Variants in MVB12B observed in about 807,000 individuals in gnomAD.
MVB12B encodes multivesicular body subunit 12B, also known as ESCRT-I complex subunit MVB12B.
A neutral mutation model predicts 41.6 loss-of-function variants in MVB12B; 16 were observed. The observed-to-expected ratio is 0.38, with a 90% CI of 0.26 to 0.58. MVB12B has a LOEUF of 0.58. MVB12B is among the 20% of genes least tolerant of loss of function. The pLI, the probability that MVB12B is intolerant of heterozygous loss-of-function variation, is 0.62. For missense variants in MVB12B, 274 were observed against 380.2 expected (o/e 0.72, Z 2.32); for synonymous variants, 133 against 139.7 (o/e 0.95, Z 0.34).
chr9:126,494,917 C>A (rs984585989), intron 9 of MVB12B, among the ~76,000 whole-genome samples: 1 of 151,404 alleles, frequency 6.6e-6, no homozygotes, highest in Non-Finnish European at 1.5e-5. Flanking sequence ...TTAGGCCAGG[C>A]CCGGTGGCTC....
At chr9:126,447,181 G>C (rs1360836783) in intron 7 of MVB12B, among the ~76,000 whole-genome samples, 1 of 150,234 alleles carries the variant, frequency 6.7e-6, no homozygotes, top group Non-Finnish European at 1.5e-5. Flanking sequence ...CTGACCTCAG[G>C]TGACCCACCT....
At chr9:126,331,868 AATGTTCAGTTGC>A (rs1192650105) in intron 1 of MVB12B, among the ~76,000 whole-genome samples, 2 of 152,194 alleles carry the variant, frequency 1.3e-5, no homozygotes, top group Non-Finnish European at 2.9e-5. Flanking sequence ...TGGTTGGAGA[AATGTTCAGTTGC>A]AGGTGGGGAA....
intron 1 of MVB12B, among the ~76,000 whole-genome samples, chr9:126,334,702 G>C (rs948273541): frequency 1.3e-5 from 2 of 152,190 alleles, no homozygotes; most frequent in African/African-American, 4.8e-5. Context: ...AGCAAAACCT[G>C]ATGGGAGTGG....
At position 126,353,618 on chromosome 9, in the gene MVB12B, T is replaced by G. The variant is rs564997209; in HGVS notation, c.204+12988T>G. ...GTGAGTGTTGTGGCTGTTACCTTAG[T>G]GTTATTATTATGTATTCTTATGCAG... On this transcript the variant is annotated intron_variant, in intron 2 of 9. Coordinates refer to ENST00000361171, the MANE Select transcript of MVB12B (RefSeq NM_033446.3). Among the ~76,000 whole-genome samples, 4 of 152,308 alleles carry G rather than the reference T, an allele frequency of 2.6e-5. No homozygotes were observed. In the South Asian group the frequency reaches 8.3e-4, roughly 32 times the overall value.
intron 6 of MVB12B, among the ~76,000 whole-genome samples, chr9:126,413,939 C>T (rs1831732159): frequency 6.6e-6 from 1 of 152,066 alleles, no homozygotes; most frequent in African/African-American, 2.4e-5. Flanking sequence ...CGACGCTGCC[C>T]TTTGACAGTC....
chr9:126,437,015 C>T (rs529271718), intron 7 of MVB12B, among the ~76,000 whole-genome samples: 87 of 152,278 alleles, frequency 5.7e-4, no homozygotes, highest in African/African-American at 1.9e-3. Flanking sequence ...AGAGAGCTGT[C>T]TTATGGTACT....
At chr9:126,396,998 A>C (rs916533157) in intron 6 of MVB12B, 3 of 985,426 alleles carry the variant, frequency 3.0e-6, no homozygotes, top group Non-Finnish European at 3.6e-6. Context: ...CCTGTGCTCA[A>C]GGCTATATCA....
rs555713993 is a variant in MVB12B at position 126,431,715 on chromosome 9, G to A, written c.757+9767G>A. Reference sequence around the variant, plus strand: ...GGTTAAATCTGTGGTCCAGGCAGCCGAGGGCAGCTGGATGAAGCAGGGTGG... The same window carrying A: ...GGTTAAATCTGTGGTCCAGGCAGCCAAGGGCAGCTGGATGAAGCAGGGTGG... On this transcript the variant is annotated intron_variant, in intron 7 of 9. Coordinates refer to ENST00000361171, the MANE Select transcript of MVB12B (RefSeq NM_033446.3). 1.4e-4 allele frequency among the ~76,000 whole-genome samples: 22 copies of A among 152,244 alleles called. No homozygotes were observed. In the South Asian group the frequency reaches 1.7e-3, roughly 11 times the overall value.
At chr9:126,479,364 C>A (rs75795361) in intron 7 of MVB12B, among the ~76,000 whole-genome samples, 3,133 of 152,260 alleles carry the variant, frequency 0.021, 98 homozygotes, top group African/African-American at 0.071. Context: ...TCCTGGATAT[C>A]CGGTGGGACT....
intron 7 of MVB12B, among the ~76,000 whole-genome samples, chr9:126,475,750 G>T (rs1464094628): frequency 6.6e-6 from 1 of 152,170 alleles, no homozygotes; most frequent in African/African-American, 2.4e-5. Context: ...GCCATGTGTG[G>T]TGGCTCACAC....
intron 7 of MVB12B, among the ~76,000 whole-genome samples, chr9:126,443,150 C>T (rs1474007748): frequency 6.6e-6 from 1 of 152,142 alleles, no homozygotes. Context: ...GATGGGTGTT[C>T]AGCACAGTGG....
intron 7 of MVB12B, among the ~76,000 whole-genome samples, chr9:126,460,470 G>C (rs1833066786): frequency 6.6e-6 from 1 of 152,176 alleles, no homozygotes; most frequent in South Asian, 2.1e-4. Flanking sequence ...GATGCCCCCA[G>C]ATGCTCTGCT....
chr9:126,505,742 A>C lies in MVB12B; in HGVS notation c.*2479A>C, dbSNP rs537227428. ...CCCACCTGAGTGGGGCTCGTGCAGGAGAACTGAGGCATGAAACTCTGGCTC... is the reference window on the plus strand; with the variant it reads ...CCCACCTGAGTGGGGCTCGTGCAGGCGAACTGAGGCATGAAACTCTGGCTC... On this transcript the variant is annotated 3_prime_UTR_variant, in exon 10 of 10. Coordinates refer to ENST00000361171, the MANE Select transcript of MVB12B (RefSeq NM_033446.3). 1.3e-5 allele frequency: 2 copies of C among 152,212 alleles called. No homozygotes were observed. Among genetic ancestry groups the C allele is most frequent in the East Asian group, 3.9e-4 (2 of 5,168 alleles). The allele number at this position is 152,212 out of a possible 1,614,324, so 9.4% of individuals were successfully genotyped here.
intron 6 of MVB12B, among the ~76,000 whole-genome samples, chr9:126,411,741 A>AAAAT (rs35014609): frequency 0.12 from 18,818 of 152,230 alleles, 1,540 homozygotes; most frequent in East Asian, 0.38. Context: ...TATGAAAAGA[A>AAAAT]AACCACAACT....
At chr9:126,380,112 C>T (rs565794371) in intron 2 of MVB12B, among the ~76,000 whole-genome samples, 11 of 152,280 alleles carry the variant, frequency 7.2e-5, no homozygotes, top group South Asian at 2.1e-4. Context: ...TCCCCCTTCG[C>T]GGTGCTTAAA....
At chr9:126,382,100 T>TA (rs1830653495) in intron 3 of MVB12B, among the ~76,000 whole-genome samples, 1 of 49,316 alleles carries the variant, frequency 2.0e-5, no homozygotes, top group Admixed American at 1.4e-4. Context: ...TTATTTGCAG[T>TA]TAAAAAAAAA....
In MVB12B at chr9:126,502,889, G is replaced by A. The variant is rs560258014; in HGVS notation, c.874-288G>A. ...GGCACCGTGGTTTTACACACTGCTG[G>A]TGCCAGGCCTGGCCTCACAGGGAGC... On this transcript the variant is annotated intron_variant, in intron 9 of 9. Coordinates refer to ENST00000361171, the MANE Select transcript of MVB12B (RefSeq NM_033446.3). Among the ~76,000 whole-genome samples, 182 of 152,318 alleles carry A rather than the reference G, an allele frequency of 1.2e-3. 1 individual carries two copies. The highest frequency in any genetic ancestry group is 4.3e-3 in the African/African-American group (179 of 41,580).
At chr9:126,483,765 C>T (rs999335570) in intron 8 of MVB12B, among the ~76,000 whole-genome samples, 2 of 152,190 alleles carry the variant, frequency 1.3e-5, no homozygotes, top group African/African-American at 4.8e-5. Flanking sequence ...ACCTTGAGGG[C>T]CACATTCCTG....
chr9:126,491,990 G>T (rs563967667), intron 9 of MVB12B, among the ~76,000 whole-genome samples: 1 of 151,774 alleles, frequency 6.6e-6, no homozygotes, highest in Non-Finnish European at 1.5e-5. Flanking sequence ...CTCCCCTGCC[G>T]ATCAAAATTG....
Sources: gnomAD v4.1 joint callset for allele counts (sites outside exome capture counted in the v4.1 genomes callset) on GRCh38, gnomAD v4.1.1 for gene constraint, MANE v1.5 for transcripts, NCBI Gene and HGNC (gene_info 2026-07-23, HGNC 2026-07-21) for gene names.